The following SYT1 variants were observed in gnomAD, a reference collection of about 807,000 sequenced individuals.
The protein encoded by SYT1 is synaptotagmin 1, also known as synaptotagmin-1.
A neutral mutation model predicts 44.8 loss-of-function variants in SYT1; 8 were observed. That is an observed-to-expected ratio of 0.18 (90% confidence interval 0.10 to 0.32). The LOEUF (loss-of-function observed/expected upper bound fraction) is 0.32. Among genes scored for constraint, SYT1 ranks in the 10% least tolerant of loss-of-function variants. The pLI is 1.00. For missense variants in SYT1, 286 were observed against 509.3 expected (o/e 0.56, Z 4.22); for synonymous variants, 154 against 188.8 (o/e 0.82, Z 1.51).
intron 4 of SYT1, among the ~76,000 whole-genome samples, chr12:79,265,702 G>T (rs1437432651): frequency 2.0e-5 from 3 of 152,094 alleles, no homozygotes; most frequent in African/African-American, 7.2e-5. Context: ...GATAATGTTA[G>T]CTACTTTAGC....
At chr12:79,169,898 TC>T (rs1401721977) in intron 3 of SYT1, among the ~76,000 whole-genome samples, 1 of 152,050 alleles carries the variant, frequency 6.6e-6, no homozygotes, top group African/African-American at 2.4e-5. Flanking sequence ...CCTCTATGTG[TC>T]CATGTGTCCT....
intron 9 of SYT1, among the ~76,000 whole-genome samples, chr12:79,390,485 C>CT (rs1483050209): frequency 3.3e-5 from 5 of 152,052 alleles, no homozygotes; most frequent in Non-Finnish European, 4.4e-5. Context: ...AAAGCAGACA[C>CT]TCCCCTCACA....
At chr12:79,199,493 G>C (rs1396435609) in intron 3 of SYT1, among the ~76,000 whole-genome samples, 1 of 151,992 alleles carries the variant, frequency 6.6e-6, no homozygotes, top group Non-Finnish European at 1.5e-5. Context: ...TTTTCACTCA[G>C]GCTTTGAGTC....
chr12:79,358,551 A>G (rs547574499), intron 9 of SYT1, among the ~76,000 whole-genome samples: 2 of 152,298 alleles, frequency 1.3e-5, no homozygotes, highest in African/African-American at 4.8e-5. Flanking sequence ...CATGTGGCAC[A>G]TAGATGGGGG....
At chr12:78,871,499 C>T (rs1325428686) in intron 1 of SYT1, among the ~76,000 whole-genome samples, 1 of 151,870 alleles carries the variant, frequency 6.6e-6, no homozygotes, top group Non-Finnish European at 1.5e-5. Context: ...TGCTTAGCTC[C>T]TATGAAATAC....
intron 1 of SYT1, among the ~76,000 whole-genome samples, chr12:78,944,432 A>G (rs1878549185): frequency 6.6e-6 from 1 of 152,076 alleles, no homozygotes; most frequent in South Asian, 2.1e-4. Flanking sequence ...ACTCAGCCTC[A>G]GGACATTAAT....
chr12:79,139,816 T>C lies in SYT1; in HGVS notation c.-17-77687T>C, dbSNP rs546025145. Among the ~76,000 whole-genome samples the C allele has an allele frequency of 2.0e-5, 3 of 152,346 alleles. No homozygotes were observed. The South Asian group carries it at 6.2e-4, about 32-fold the overall frequency. ...CCACTGGATAACCCAGTGAGCAGAA[T>C]AATCAGGCCACTGAGCAGAATGAGT... On this transcript the variant is annotated intron_variant, in intron 3 of 10. Coordinates refer to ENST00000261205, the MANE Select transcript of SYT1 (RefSeq NM_005639.3).
chr12:79,246,640 A>G (rs1876867916), intron 4 of SYT1, among the ~76,000 whole-genome samples: 1 of 152,182 alleles, frequency 6.6e-6, no homozygotes, highest in Admixed American at 6.5e-5. Flanking sequence ...ATACTGTGTG[A>G]AGCCTCTTTT....
intron 3 of SYT1, among the ~76,000 whole-genome samples, chr12:79,073,449 C>T (rs554992189): frequency 1.2e-4 from 18 of 152,146 alleles, no homozygotes; most frequent in African/African-American, 3.6e-4. Context: ...CAAGGTTAGG[C>T]GAATTCGGAA....
chr12:79,076,957 C>T (rs2137930137), intron 3 of SYT1, among the ~76,000 whole-genome samples: 1 of 152,228 alleles, frequency 6.6e-6, no homozygotes, highest in Admixed American at 6.5e-5. Context: ...TCCTTCCTAC[C>T]CCTAACCCCA....
At chr12:79,068,947 T>C (rs1054728309) in intron 3 of SYT1, among the ~76,000 whole-genome samples, 1 of 152,174 alleles carries the variant, frequency 6.6e-6, no homozygotes, top group Non-Finnish European at 1.5e-5. Context: ...TCATAAATAA[T>C]GATACCAGAG....
At chr12:79,267,023 G>C (rs547681344) in intron 4 of SYT1, among the ~76,000 whole-genome samples, 2 of 152,146 alleles carry the variant, frequency 1.3e-5, no homozygotes, top group East Asian at 3.9e-4. Context: ...TGCTGTCAAT[G>C]CAATCAAATC....
At chr12:79,115,075 C>T (rs1879206655) in intron 3 of SYT1, among the ~76,000 whole-genome samples, 1 of 152,038 alleles carries the variant, frequency 6.6e-6, no homozygotes, top group African/African-American at 2.4e-5. Flanking sequence ...TCTGTTATGC[C>T]TCATAAAATA....
chr12:79,001,309 C>T (rs894036473), intron 2 of SYT1, among the ~76,000 whole-genome samples: 11 of 150,392 alleles, frequency 7.3e-5, no homozygotes, highest in African/African-American at 2.7e-4. Context: ...GTCAGTAGTA[C>T]AGTAGAACAT....
chr12:79,402,910 AGTTTTTGTTTT>A (rs1461384471), intron 9 of SYT1, among the ~76,000 whole-genome samples: 1 of 152,182 alleles, frequency 6.6e-6, no homozygotes, highest in Non-Finnish European at 1.5e-5. Flanking sequence ...AGATACAGTT[AGTTTTTGTTTT>A]GTTTTATTTT....
chr12:79,215,250 G>C (rs1453683800), intron 3 of SYT1, among the ~76,000 whole-genome samples: 1 of 152,104 alleles, frequency 6.6e-6, no homozygotes, highest in South Asian at 2.1e-4. Flanking sequence ...TCAATTGATT[G>C]ATCCACTGGT....
intron 4 of SYT1, among the ~76,000 whole-genome samples, chr12:79,276,248 C>A (rs1003959377): frequency 2.6e-5 from 4 of 151,690 alleles, no homozygotes; most frequent in African/African-American, 9.7e-5. Flanking sequence ...ATAAAGAATT[C>A]AAAAAATTGA....
intron 3 of SYT1, among the ~76,000 whole-genome samples, chr12:79,100,765 G>C (rs1878401666): frequency 6.6e-6 from 1 of 151,924 alleles, no homozygotes; most frequent in Non-Finnish European, 1.5e-5. Context: ...CGTAAATATA[G>C]GAATTGATTT....
chr12:78,958,651 C>T (rs139767832), intron 1 of SYT1, among the ~76,000 whole-genome samples: 1,962 of 151,766 alleles, frequency 0.013, 49 homozygotes, highest in African/African-American at 0.043. Context: ...GTCAAGATCA[C>T]ACCACCACAC....
Sources: allele counts gnomAD v4.1 joint callset (sites outside exome capture counted in the v4.1 genomes callset), GRCh38; gene constraint gnomAD v4.1.1; transcripts MANE v1.5; gene names NCBI Gene and HGNC (gene_info 2026-07-23, HGNC 2026-07-21).